The following WWOX variants were observed in gnomAD, a reference collection of about 807,000 sequenced individuals.
The protein encoded by WWOX is WW domain-containing oxidoreductase.
WWOX carries 69 observed loss-of-function variants against 46.2 expected under a neutral mutation model. That is an observed-to-expected ratio of 1.49 (90% CI 1.23 to 1.82). The LOEUF (loss-of-function observed/expected upper bound fraction) is 1.82. Among genes scored for constraint, WWOX ranks in the 40% most tolerant of loss-of-function variants. The probability of loss-of-function intolerance (pLI) is 0.00; values close to 1 mark genes in which losing one functional copy is unlikely to be tolerated. For missense variants in WWOX, 919 were observed against 542.6 expected, an observed-to-expected ratio of 1.69 and a Z score of -6.89; for synonymous variants, 359 against 202.6, an observed-to-expected ratio of 1.77 and a Z score of -6.56.
At position 78,342,075 on chromosome 16, in the gene WWOX, C is replaced by G. The variant is rs1282371099; in HGVS notation, c.517-44785C>G. The stretch of plus-strand genomic sequence containing the variant: ...AGGCTACAGTGAGCTGCAATTGTGC[C>G]ACTGCACTCTAATTTAGGCAGCAGA... On this transcript the variant is annotated intron_variant, in intron 5 of 8. Coordinates refer to ENST00000566780, the MANE Select transcript of WWOX (RefSeq NM_016373.4). Among the ~76,000 whole-genome samples, 5 of 121,088 alleles carry G rather than the reference C, an allele frequency of 4.1e-5. 1 individual carries two copies. Among genetic ancestry groups the G allele is most frequent in the African/African-American group, 1.4e-4 (5 of 35,716 alleles). The allele number at this position is 121,088 out of a possible 152,430, so 79.4% of individuals were successfully genotyped here.
chr16:78,355,105 C>G (rs991241927), intron 5 of WWOX, among the ~76,000 whole-genome samples: 7 of 151,674 alleles, frequency 4.6e-5, no homozygotes, highest in East Asian at 2.0e-4. Flanking sequence ...GCACTCCAGC[C>G]TGGGTCACAG....
intron 8 of WWOX, among the ~76,000 whole-genome samples, chr16:78,630,344 G>A (rs1000112989): frequency 2.0e-5 from 3 of 152,128 alleles, no homozygotes; most frequent in Non-Finnish European, 2.9e-5. Context: ...ACCATTCCCA[G>A]ATCAGATAAA....
intron 5 of WWOX, among the ~76,000 whole-genome samples, chr16:78,316,461 G>A (rs1242102185): frequency 6.6e-6 from 1 of 152,064 alleles, no homozygotes; most frequent in African/African-American, 2.4e-5. Flanking sequence ...TCCTGCCTCA[G>A]GCTCCTGAGT....
chr16:78,101,188 C>T (rs547731946), intron 1 of WWOX, among the ~76,000 whole-genome samples: 47 of 151,358 alleles, frequency 3.1e-4, no homozygotes, highest in Non-Finnish European at 6.6e-4. Context: ...GCTGGGACTA[C>T]AGGCGCCCGC....
chr16:78,581,051 A>G (rs2045039244), intron 8 of WWOX, among the ~76,000 whole-genome samples: 1 of 152,188 alleles, frequency 6.6e-6, no homozygotes, highest in South Asian at 2.1e-4. Flanking sequence ...CATCAGCCTT[A>G]TTAGAGTGGT....
chr16:78,323,739 G>T (rs1208387274), intron 5 of WWOX, among the ~76,000 whole-genome samples: 1 of 152,140 alleles, frequency 6.6e-6, no homozygotes, highest in Non-Finnish European at 1.5e-5. Context: ...AATGTTCTTT[G>T]ATAAATAAGA....
At chr16:78,702,100 T>TTATATATATATATATATATATATA (rs72067397) in intron 8 of WWOX, among the ~76,000 whole-genome samples, 42 of 81,212 alleles carry the variant, frequency 5.2e-4, no homozygotes, top group African/African-American at 2.7e-3. Flanking sequence ...ATCTATAAAG[T>TTATATATATATATATATATATATA]TATATATATA....
At chr16:78,557,189 C>G (rs536404366) in intron 8 of WWOX, among the ~76,000 whole-genome samples, 2 of 151,920 alleles carry the variant, frequency 1.3e-5, no homozygotes, top group Non-Finnish European at 2.9e-5. Flanking sequence ...TTTCTGAATA[C>G]CCAAGCTTGC....
At chr16:78,975,840 C>T (rs902731951) in intron 8 of WWOX, among the ~76,000 whole-genome samples, 1 of 152,122 alleles carries the variant, frequency 6.6e-6, no homozygotes, top group Non-Finnish European at 1.5e-5. Context: ...ACCTCTGGCT[C>T]CTAGAACCGT....
At chr16:78,548,374 A>G (rs986569754) in intron 8 of WWOX, among the ~76,000 whole-genome samples, 8 of 152,168 alleles carry the variant, frequency 5.3e-5, no homozygotes, top group Non-Finnish European at 1.2e-4. Context: ...TAGAAAATAA[A>G]TGTGACTCAC....
At chr16:78,341,956 G>GA (rs34393752) in intron 5 of WWOX, among the ~76,000 whole-genome samples, 12,926 of 113,096 alleles carry the variant, frequency 0.11, 3,866 homozygotes, top group African/African-American at 0.34. Flanking sequence ...TCTCTACTTG[G>GA]AAAAAAAAAA....
chr16:79,002,702 C>G (rs975902456), intron 8 of WWOX, among the ~76,000 whole-genome samples: 1 of 152,132 alleles, frequency 6.6e-6, no homozygotes, highest in African/African-American at 2.4e-5. Flanking sequence ...GGGACTGTGC[C>G]TATTCCCATT....
chr16:78,542,995 A>C (rs1380417704), intron 8 of WWOX, among the ~76,000 whole-genome samples: 1 of 152,160 alleles, frequency 6.6e-6, no homozygotes, highest in Non-Finnish European at 1.5e-5. Flanking sequence ...TTCATGGTCT[A>C]CCTGTGTGAC....
At chr16:78,756,616 G>C (rs137991806) in intron 8 of WWOX, among the ~76,000 whole-genome samples, 1 of 152,300 alleles carries the variant, frequency 6.6e-6, no homozygotes, top group East Asian at 1.9e-4. Context: ...CTGACGCTGT[G>C]TACTGATTGG....
At chr16:78,313,089 A>G (rs188031456) in intron 5 of WWOX, among the ~76,000 whole-genome samples, 2 of 152,314 alleles carry the variant, frequency 1.3e-5, no homozygotes, top group Admixed American at 6.5e-5. Context: ...CTGAGTACCT[A>G]TAACATCTAA....
chr16:78,601,629 C>T (rs182774917), intron 8 of WWOX, among the ~76,000 whole-genome samples: 61 of 152,182 alleles, frequency 4.0e-4, no homozygotes, highest in African/African-American at 1.4e-3. Flanking sequence ...TAATGTAAAT[C>T]AAGAAGCTAT....
intron 8 of WWOX, among the ~76,000 whole-genome samples, chr16:79,046,030 G>C (rs1022591204): frequency 1.3e-5 from 2 of 151,932 alleles, no homozygotes; most frequent in Non-Finnish European, 2.9e-5. Flanking sequence ...TCGAGCTCCT[G>C]ACCTCAGATG....
intron 8 of WWOX, among the ~76,000 whole-genome samples, chr16:78,932,206 G>A (rs557749903): frequency 1.3e-5 from 2 of 152,192 alleles, no homozygotes; most frequent in Admixed American, 1.3e-4. Flanking sequence ...TGGAGGGGTA[G>A]CTCTTTTTCT....
intron 8 of WWOX, chr16:78,756,839 T>C (rs2049661505): frequency 2.9e-6 from 2 of 684,904 alleles, no homozygotes; most frequent in African/African-American, 3.5e-5. Flanking sequence ...CTGACCTGTA[T>C]AATCGATAGG....
Sources: gnomAD v4.1 joint callset for allele counts (sites outside exome capture counted in the v4.1 genomes callset) on GRCh38, gnomAD v4.1.1 for gene constraint, MANE v1.5 for transcripts, NCBI Gene and HGNC (gene_info 2026-07-23, HGNC 2026-07-21) for gene names.